The following CCR5AS variants were observed in gnomAD, a reference collection of about 807,000 sequenced individuals.
The protein encoded by CCR5AS is CCR5 antisense RNA.
chr3:46,404,297 T>TTCTCTCTCTC (rs149336611), intron 1 of CCR5AS, among the ~76,000 whole-genome samples: 20 of 71,060 alleles, frequency 2.8e-4, no homozygotes, highest in South Asian at 6.4e-4. Flanking sequence ...CAGCAAGGCT[T>TTCTCTCTCTC]TCTCTCTCTC....
At chr3:46,383,527 G>A (rs1701832414) in intron 2 of CCR5AS, among the ~76,000 whole-genome samples, 1 of 152,138 alleles carries the variant, frequency 6.6e-6, no homozygotes, top group Non-Finnish European at 1.5e-5. Flanking sequence ...TTCATACCAC[G>A]CGCCTCAGTC....
At chr3:46,391,654 G>T (rs1199378509) in intron 2 of CCR5AS, among the ~76,000 whole-genome samples, 2 of 152,190 alleles carry the variant, frequency 1.3e-5, no homozygotes, top group Non-Finnish European at 2.9e-5. Flanking sequence ...TATGCCTTTA[G>T]CTCTAGCCAC....
chr3:46,370,443 G>A (rs1177281180), intron 3 of CCR5AS, among the ~76,000 whole-genome samples: 1 of 152,106 alleles, frequency 6.6e-6, no homozygotes, highest in Non-Finnish European at 1.5e-5. Flanking sequence ...AGAAAAAGGG[G>A]ACACAGGGTT....
chr3:46,385,098 A>C (rs1454898611), intron 2 of CCR5AS, among the ~76,000 whole-genome samples: 1 of 152,186 alleles, frequency 6.6e-6, no homozygotes, highest in Non-Finnish European at 1.5e-5. Context: ...GTGAAGGGGA[A>C]CAAGGAGTCT....
At chr3:46,389,282 T>G (rs969259389) in intron 2 of CCR5AS, among the ~76,000 whole-genome samples, 3 of 152,172 alleles carry the variant, frequency 2.0e-5, no homozygotes, top group Admixed American at 6.5e-5. Flanking sequence ...AGGCTGGCTG[T>G]CTGATGGGCA....
rs1051773351 is a variant in CCR5AS, at chr3:46,391,661, C to T, written n.391+1164G>A. ...ACCTTGACTATGCCTTTAGCTCTAG[C>T]CACCTCTCTAAGAGGAAATTGTTGG... On this transcript the variant is annotated intron_variant and non_coding_transcript_variant, in intron 2 of 3. Transcript: ENST00000451485. 2.0e-5 allele frequency among the ~76,000 whole-genome samples: 3 copies of T among 152,250 alleles called. No homozygotes were observed. In the East Asian group the frequency reaches 5.8e-4, roughly 29 times the overall value.
At chr3:46,374,360 G>A (rs1701723051) in intron 2 of CCR5AS, 1 of 176,548 alleles carries the variant, frequency 5.7e-6, no homozygotes, top group Non-Finnish European at 1.3e-5. Flanking sequence ...TTTTTACCTA[G>A]TACAAGGCAA....
At chr3:46,402,789 A>T (rs1702014372) in intron 1 of CCR5AS, among the ~76,000 whole-genome samples, 1 of 152,214 alleles carries the variant, frequency 6.6e-6, no homozygotes, top group Admixed American at 6.5e-5. Context: ...CTTGTTACGT[A>T]GGTAACCTTT....
At chr3:46,373,002 C>T in intron 2 of CCR5AS, 1 of 1,614,122 alleles carries the variant, frequency 6.2e-7, no homozygotes, top group African/African-American at 1.3e-5. Context: ...CCGCCTCCTG[C>T]CTCCGCTCTA....
chr3:46,387,418 T>C (rs1701873774), intron 2 of CCR5AS, among the ~76,000 whole-genome samples: 1 of 152,222 alleles, frequency 6.6e-6, no homozygotes, highest in Non-Finnish European at 1.5e-5. Flanking sequence ...CATCCTCTTC[T>C]TCTTGCAACT....
At chr3:46,398,877 G>A (rs2106778305) in intron 1 of CCR5AS, among the ~76,000 whole-genome samples, 1 of 152,234 alleles carries the variant, frequency 6.6e-6, no homozygotes, top group Non-Finnish European at 1.5e-5. Context: ...CATAGGATTG[G>A]GAAACCCAGT....
intron 1 of CCR5AS, among the ~76,000 whole-genome samples, chr3:46,394,291 A>G (rs1404434256): frequency 6.6e-6 from 1 of 152,180 alleles, no homozygotes; most frequent in Non-Finnish European, 1.5e-5. Flanking sequence ...GCCCTGCTCT[A>G]GTGCTTCCTC....
At chr3:46,372,841 A>T in intron 2 of CCR5AS, 1 of 1,349,438 alleles carries the variant, frequency 7.4e-7, no homozygotes, top group Non-Finnish European at 1.0e-6. Flanking sequence ...ATGGAGGGCA[A>T]CTAAATACAT....
chr3:46,403,396 A>C (rs1702018924), intron 1 of CCR5AS, among the ~76,000 whole-genome samples: 1 of 152,238 alleles, frequency 6.6e-6, no homozygotes, highest in Non-Finnish European at 1.5e-5. Flanking sequence ...ATCAATCAGC[A>C]TACAGTCAAG....
chr3:46,379,963 A>G (rs1230861667), intron 2 of CCR5AS, among the ~76,000 whole-genome samples: 1 of 152,166 alleles, frequency 6.6e-6, no homozygotes, highest in African/African-American at 2.4e-5. Context: ...TTGCTTTTGG[A>G]GCAGAAAGCA....
chr3:46,393,756 G>A (rs939826577), intron 1 of CCR5AS, among the ~76,000 whole-genome samples: 2 of 152,240 alleles, frequency 1.3e-5, no homozygotes, highest in Non-Finnish European at 2.9e-5. Flanking sequence ...GAACACATAG[G>A]AGGGCTTCCA....
intron 2 of CCR5AS, among the ~76,000 whole-genome samples, chr3:46,381,940 T>C (rs1296779943): frequency 6.6e-6 from 1 of 152,194 alleles, no homozygotes; most frequent in Non-Finnish European, 1.5e-5. Flanking sequence ...ATACAGGAGC[T>C]AAAAAGAAAT....
intron 2 of CCR5AS, among the ~76,000 whole-genome samples, chr3:46,384,894 TAGATAGATAGATAGATAGAC>T (rs1701846544): frequency 1.4e-5 from 2 of 143,570 alleles, no homozygotes; most frequent in East Asian, 2.0e-4. Context: ...GATAGATAGA[TAGATAGATAGATAGATAGAC>T]AGACAGACAG....
At chr3:46,388,928 G>A (rs568041454) in intron 2 of CCR5AS, among the ~76,000 whole-genome samples, 10 of 152,306 alleles carry the variant, frequency 6.6e-5, no homozygotes, top group South Asian at 2.1e-4. Context: ...CAAGAGTGGC[G>A]GATTGGGGAT....
Sources: allele counts gnomAD v4.1 joint callset (sites outside exome capture counted in the v4.1 genomes callset), GRCh38; gene constraint gnomAD v4.1.1; transcripts MANE v1.5; gene names NCBI Gene and HGNC (gene_info 2026-07-23, HGNC 2026-07-21).